The following SH3GL3 variants were observed in gnomAD, a reference collection of about 807,000 sequenced individuals.
SH3GL3 encodes the protein endophilin-A3.
A neutral mutation model predicts 47.7 loss-of-function variants in SH3GL3; 33 were observed. The ratio of observed to expected loss-of-function variants is 0.69; its 90% CI spans 0.52 to 0.92. The LOEUF (loss-of-function observed/expected upper bound fraction) is 0.92, where lower values mean the gene tolerates loss of function less well. Ranked by LOEUF, SH3GL3 falls within the 40% of genes least tolerant of loss-of-function variation. SH3GL3 has a pLI of 0.00. For synonymous variants in SH3GL3, 155 were observed against 148.8 expected (o/e 1.04, Z -0.30); for missense variants, 363 against 417.8 (o/e 0.87, Z 1.14).
chr15:83,574,413 G>A (rs950932092), intron 5 of SH3GL3, among the ~76,000 whole-genome samples: 6 of 152,104 alleles, frequency 3.9e-5, no homozygotes, highest in African/African-American at 1.4e-4. Flanking sequence ...CCTCCTCTGG[G>A]CCGCAGGGTC....
At chr15:83,583,455 T>A (rs2059885558) in intron 6 of SH3GL3, among the ~76,000 whole-genome samples, 1 of 152,212 alleles carries the variant, frequency 6.6e-6, no homozygotes, top group Non-Finnish European at 1.5e-5. Context: ...TTCCTTTGGG[T>A]ACAGCCTAAG....
At chr15:83,521,001 G>A (rs2043179843) in intron 1 of SH3GL3, among the ~76,000 whole-genome samples, 1 of 152,178 alleles carries the variant, frequency 6.6e-6, no homozygotes, top group Non-Finnish European at 1.5e-5. Flanking sequence ...GTATAAATTT[G>A]AATTTAGAAT....
intron 1 of SH3GL3, among the ~76,000 whole-genome samples, chr15:83,533,188 T>G (rs979959737): frequency 6.6e-6 from 1 of 151,954 alleles, no homozygotes; most frequent in African/African-American, 2.4e-5. Flanking sequence ...TTCTGAGGAG[T>G]ATGGACTAGA....
At chr15:83,597,801 G>T (rs1265751774) in intron 8 of SH3GL3, among the ~76,000 whole-genome samples, 3 of 151,940 alleles carry the variant, frequency 2.0e-5, no homozygotes, top group African/African-American at 7.2e-5. Flanking sequence ...GTAGAGACGG[G>T]GTTTCACCAT....
chr15:83,523,187 G>A (rs1397957669), intron 1 of SH3GL3, among the ~76,000 whole-genome samples: 1 of 152,122 alleles, frequency 6.6e-6, no homozygotes, highest in Admixed American at 6.5e-5. Flanking sequence ...TTTCTTATCA[G>A]CATCTCAAAA....
the SH3GL3 span, among the ~76,000 whole-genome samples, chr15:83,626,695 T>C: frequency 1.2e-4 from 18 of 152,140 alleles, no homozygotes; most frequent in African/African-American, 3.6e-4. Flanking sequence ...GGGATTAGAG[T>C]AGCACTTGGT....
chr15:83,587,605 T>C (rs1323002845), intron 7 of SH3GL3, among the ~76,000 whole-genome samples: 1 of 151,514 alleles, frequency 6.6e-6, no homozygotes, highest in Non-Finnish European at 1.5e-5. Flanking sequence ...TATTGACTAG[T>C]ATTGAAAGAG....
At chr15:83,545,763 C>CT (rs1014403022) in intron 1 of SH3GL3, among the ~76,000 whole-genome samples, 5 of 152,214 alleles carry the variant, frequency 3.3e-5, no homozygotes, top group African/African-American at 1.2e-4. Context: ...CCCAGTAACT[C>CT]TGAGTCTTGC....
Position 83,448,053 on chromosome 15 carries a change from C to T in SH3GL3, c.45+475C>T, listed in dbSNP as rs1678576284. The stretch of plus-strand genomic sequence containing the variant: ...TGTGTATTTGGCGCTTGGCTGTGTC[C>T]CGCTGAGCTCCCCGCGCGCGCATCG... On this transcript the variant is annotated intron_variant, in intron 1 of 8. Transcript: ENST00000427482. This position sits in a 1 kb window ranked among gnomAD's most constrained non-coding sequence, Gnocchi z 4.2. Among the ~76,000 whole-genome samples, 1 of 152,122 alleles carries T rather than the reference C, an allele frequency of 6.6e-6. No individual in the cohort carries two copies. The highest frequency in any genetic ancestry group is 1.5e-5 in the Non-Finnish European group (1 of 68,010).
At position 83,510,989 on chromosome 15, in the gene SH3GL3, T is replaced by C. The variant is rs574641996; in HGVS notation, c.46-48264T>C. Among the ~76,000 whole-genome samples the C allele has an allele frequency of 5.8e-4, 88 of 151,570 alleles. 4 individuals are homozygous for C. In the South Asian group the frequency reaches 0.015, roughly 26 times the overall value. On this transcript the variant is annotated intron_variant, in intron 1 of 8. Coordinates refer to ENST00000427482, the MANE Select transcript of SH3GL3 (RefSeq NM_003027.5). ...GGGGAACATCACACACCAGGGTCTGTTGTGGGGTGGGGAGAGGGGGGCGGG... is the reference window on the plus strand; with the variant it reads ...GGGGAACATCACACACCAGGGTCTGCTGTGGGGTGGGGAGAGGGGGGCGGG...
At chr15:83,552,255 T>G (rs527356753) in intron 1 of SH3GL3, among the ~76,000 whole-genome samples, 1 of 152,362 alleles carries the variant, frequency 6.6e-6, no homozygotes, top group East Asian at 1.9e-4. Context: ...GTTTGAAACA[T>G]TAAATTGAGG....
intron 1 of SH3GL3, among the ~76,000 whole-genome samples, chr15:83,494,292 AG>A (rs1297477428): frequency 4.6e-5 from 7 of 152,206 alleles, no homozygotes; most frequent in African/African-American, 1.7e-4. Context: ...TCACTGGAAC[AG>A]GTTGGGTGAG....
chr15:83,513,806 T>C (rs540923112), intron 1 of SH3GL3, among the ~76,000 whole-genome samples: 5 of 152,176 alleles, frequency 3.3e-5, no homozygotes, highest in African/African-American at 4.8e-5. Context: ...AAATCATAAA[T>C]GAATAAGGAT....
At chr15:83,593,284 G>C (rs2060153829) in intron 8 of SH3GL3, among the ~76,000 whole-genome samples, 1 of 152,200 alleles carries the variant, frequency 6.6e-6, no homozygotes, top group African/African-American at 2.4e-5. Context: ...CTCAATTTAA[G>C]AGGAATTGAT....
intron 1 of SH3GL3, among the ~76,000 whole-genome samples, chr15:83,491,680 G>C (rs2041880217): frequency 6.6e-6 from 1 of 152,294 alleles, no homozygotes; most frequent in South Asian, 2.1e-4. Flanking sequence ...TCAGATGTTT[G>C]TTCCAAGTCA....
At chr15:83,457,252 C>T (rs530645642) in intron 1 of SH3GL3, among the ~76,000 whole-genome samples, 1 of 152,306 alleles carries the variant, frequency 6.6e-6, no homozygotes, top group South Asian at 2.1e-4. Flanking sequence ...CTCTTCTCCT[C>T]CTCTCCTTCT....
chr15:83,498,125 G>A (rs1013812287), intron 1 of SH3GL3, among the ~76,000 whole-genome samples: 3 of 152,030 alleles, frequency 2.0e-5, no homozygotes, highest in Admixed American at 6.6e-5. Context: ...TGAGCTTTAG[G>A]CAGCCTATCT....
intron 1 of SH3GL3, among the ~76,000 whole-genome samples, chr15:83,528,190 C>T (rs983670986): frequency 6.6e-6 from 1 of 152,066 alleles, no homozygotes; most frequent in Non-Finnish European, 1.5e-5. Context: ...GGGGCAGTTC[C>T]CTTATGTGAC....
chr15:83,558,628 A>G (rs1467863170), intron 1 of SH3GL3, among the ~76,000 whole-genome samples: 1 of 152,104 alleles, frequency 6.6e-6, no homozygotes, highest in African/African-American at 2.4e-5. Flanking sequence ...ACAAATATCA[A>G]TAAAGCCGAG....
Sources: gnomAD v4.1 joint callset for allele counts (sites outside exome capture counted in the v4.1 genomes callset) on GRCh38, gnomAD v4.1.1 for gene constraint, Gnocchi (gnomAD v3.1) non-coding constraint, MANE v1.5 for transcripts, NCBI Gene and HGNC (gene_info 2026-07-23, HGNC 2026-07-21) for gene names.